The following WDR48 variants were observed in gnomAD, a reference collection of about 807,000 sequenced individuals.
The protein encoded by WDR48 is WD repeat-containing protein 48.
Under a neutral mutation model 94.0 loss-of-function variants are expected in WDR48, and 22 were observed. That is an observed-to-expected ratio of 0.23 (90% CI 0.17 to 0.33). The LOEUF is 0.33. Ranked by LOEUF, WDR48 falls within the 10% of genes least tolerant of loss-of-function variation. The pLI is 1.00. For missense variants in WDR48, 541 were observed against 813.8 expected (o/e 0.66, Z 4.08); for synonymous variants, 278 against 280.5 (o/e 0.99, Z 0.09).
intron 7 of WDR48, among the ~76,000 whole-genome samples, chr3:39,070,305 TAAAAAAC>T (rs997667922): frequency 6.6e-6 from 1 of 152,174 alleles, no homozygotes; most frequent in African/African-American, 2.4e-5. Context: ...ATGTAGATAA[TAAAAAAC>T]AAAAACTGAG....
At chr3:39,076,293 A>G (rs1433728234) in intron 8 of WDR48, among the ~76,000 whole-genome samples, 2 of 152,198 alleles carry the variant, frequency 1.3e-5, no homozygotes, top group Admixed American at 6.5e-5. Context: ...TTAGAGAAGC[A>G]AGGAGTCAGA....
chr3:39,055,168 C>T (rs1312876527), intron 1 of WDR48, among the ~76,000 whole-genome samples: 5 of 152,072 alleles, frequency 3.3e-5, no homozygotes, highest in Admixed American at 3.3e-4. Context: ...CAAGACAAAC[C>T]CTTGAGACTT....
intron 1 of WDR48, among the ~76,000 whole-genome samples, chr3:39,061,180 A>G (rs2033238596): frequency 6.6e-6 from 1 of 152,142 alleles, no homozygotes; most frequent in Admixed American, 6.5e-5. Flanking sequence ...TACATGTGCC[A>G]TGTTGGTTTG....
chr3:39,078,353 G>A (rs1465956238), intron 10 of WDR48, 114 bp downstream of exon 10: 1 of 725,472 alleles, frequency 1.4e-6, no homozygotes, highest in Non-Finnish European at 2.4e-6. Flanking sequence ...GTAAACAAAA[G>A]ATAATACATT....
At chr3:39,075,405 G>A (rs531110027) in intron 8 of WDR48, among the ~76,000 whole-genome samples, 5 of 152,104 alleles carry the variant, frequency 3.3e-5, no homozygotes, top group Non-Finnish European at 7.4e-5. Flanking sequence ...CAAAGCAGAG[G>A]AAGGTCAGGA....
intron 18 of WDR48, 50 bp downstream of exon 18, chr3:39,094,116 A>T: frequency 6.4e-7 from 1 of 1,569,744 alleles, no homozygotes; most frequent in Non-Finnish European, 8.6e-7. Flanking sequence ...GCTGGTGCTC[A>T]TAAAGAGTTA....
intron 11 of WDR48, among the ~76,000 whole-genome samples, chr3:39,082,114 C>A (rs1000773014): frequency 3.3e-5 from 5 of 151,914 alleles, no homozygotes; most frequent in African/African-American, 1.2e-4. Flanking sequence ...GTCGGGGGTG[C>A]CTATTATTGG....
intron 17 of WDR48, among the ~76,000 whole-genome samples, chr3:39,093,395 C>T (rs763102483): frequency 5.9e-5 from 9 of 152,206 alleles, no homozygotes; most frequent in Non-Finnish European, 1.2e-4. Context: ...GATGGAGTCT[C>T]ACTCTGTCGC....
intron 1 of WDR48, chr3:39,052,279 G>C: frequency 1.7e-6 from 1 of 586,014 alleles, no homozygotes; most frequent in Non-Finnish European, 3.0e-6. Flanking sequence ...TGGGGCCCAG[G>C]CCCGGGACCC....
At chr3:39,094,456 T>G in intron 18 of WDR48, 192 bp from the exon 19 acceptor site, 1 of 1,532,844 alleles carries the variant, frequency 6.5e-7, no homozygotes, top group Non-Finnish European at 8.7e-7. Context: ...TCTGGCATAG[T>G]CACAAAAGAT....
chr3:39,054,373 C>T (rs1342645247), intron 1 of WDR48, among the ~76,000 whole-genome samples: 1 of 152,150 alleles, frequency 6.6e-6, no homozygotes, highest in African/African-American at 2.4e-5. Context: ...TGGCTTCTAC[C>T]AACTAGATGT....
rs1309344712 is a variant in WDR48 at position 39,085,540 on chromosome 3, A to G, written c.1404A>G (p.Gln468=). 2.5e-6 allele frequency: 4 copies of G among 1,611,994 alleles called. No individual in the cohort carries two copies. The highest frequency in any genetic ancestry group is 2.7e-5 in the African/African-American group (2 of 74,870). Residue 468 remains glutamine, a synonymous_variant, in exon 14 of 19, where the codon CAA becomes CAG. Coordinates refer to ENST00000302313, the MANE Select transcript of WDR48 (RefSeq NM_020839.4). ...TGAATTTAGGAGGACTTTTACTCCA[A>G]GCACTCCTGGAATATTGGCCTAGAA... is the stretch of plus-strand genomic sequence containing the variant. ...PKLNLGGLLL[Q]ALLEYWPRTH...
chr3:39,068,896 A>T (rs764981708), intron 6 of WDR48, 37 bp downstream of exon 6: 3 of 1,434,492 alleles, frequency 2.1e-6, no homozygotes, highest in Non-Finnish European at 1.9e-6. Flanking sequence ...AAAAAAAAAA[A>T]TTATTTTTCA....
intron 16 of WDR48, 126 bp downstream of exon 16, chr3:39,089,444 C>A: frequency 2.7e-6 from 2 of 750,942 alleles, no homozygotes; most frequent in Non-Finnish European, 4.0e-6. Context: ...TCCCCATCTG[C>A]TTCCTTGCAG....
At chr3:39,069,816 A>C (rs1273944489) in intron 7 of WDR48, 72 bp downstream of exon 7, 14 of 1,241,702 alleles carry the variant, frequency 1.1e-5, no homozygotes, top group African/African-American at 1.5e-5. Flanking sequence ...ACTATTGCAT[A>C]GGTTGATTTG....
intron 1 of WDR48, chr3:39,052,693 AGT>A (rs2032537043): frequency 6.5e-6 from 1 of 152,704 alleles, no homozygotes; most frequent in African/African-American, 2.4e-5. Context: ...CTTCATCTTA[AGT>A]GTGCATCGCT....
intron 11 of WDR48, among the ~76,000 whole-genome samples, chr3:39,083,244 GA>G (rs1559620812): frequency 6.6e-6 from 1 of 152,176 alleles, no homozygotes. Flanking sequence ...AATTTGATTG[GA>G]GGGGTAGGCA....
intron 7 of WDR48, among the ~76,000 whole-genome samples, chr3:39,071,044 G>C (rs2033907136): frequency 6.6e-6 from 1 of 152,120 alleles, no homozygotes; most frequent in Non-Finnish European, 1.5e-5. Context: ...CGTATTCCAT[G>C]GTGTATATGT....
rs1476665845 is a variant in WDR48 at position 39,066,784 on chromosome 3, A to G, written c.390A>G (p.Glu130=). The change falls in exon 5 of 19, where the codon GAA becomes GAG. Residue 130 remains glutamate (E), a synonymous_variant. Coordinates refer to ENST00000302313, the MANE Select transcript of WDR48 (RefSeq NM_020839.4). The part of the protein sequence containing the change: ...VKALAYAKDK[E]LVASAGLDRQ... ...CCTTAGCATATGCCAAGGATAAAGAACTAGTAGCATCAGCTGGGTTGGACA... is the reference window on the plus strand; with the variant it reads ...CCTTAGCATATGCCAAGGATAAAGAGCTAGTAGCATCAGCTGGGTTGGACA... 1 of 1,614,062 alleles carries G rather than the reference A, an allele frequency of 6.2e-7. No homozygotes were observed. Among genetic ancestry groups the G allele is most frequent in the Non-Finnish European group, 8.5e-7 (1 of 1,179,936 alleles).
Sources: allele counts gnomAD v4.1 joint callset (sites outside exome capture counted in the v4.1 genomes callset), GRCh38; gene constraint gnomAD v4.1.1; transcripts MANE v1.5; gene names NCBI Gene and HGNC (gene_info 2026-07-23, HGNC 2026-07-21).